Variants in DSCAM observed in about 807,000 individuals in gnomAD.
The protein encoded by DSCAM is DS cell adhesion molecule.
In DSCAM, 47 loss-of-function variants were observed where a neutral mutation model predicts 217.7. The observed-to-expected ratio is 0.22, with a 90% CI of 0.17 to 0.28. The LOEUF (loss-of-function observed/expected upper bound fraction) is 0.28, where lower values mean the gene tolerates loss of function less well. DSCAM is among the 10% of genes least tolerant of loss of function. The pLI is 1.00. For synonymous variants in DSCAM, 1,056 were observed against 1,015.3 expected, an observed-to-expected ratio of 1.04 and a Z score of -0.76; for missense variants, 2,080 against 2,618.3, an observed-to-expected ratio of 0.79 and a Z score of 4.49.
intron 11 of DSCAM, among the ~76,000 whole-genome samples, chr21:40,226,523 TAG>T (rs958835705): frequency 3.9e-4 from 59 of 152,260 alleles, no homozygotes; most frequent in African/African-American, 1.4e-3. Flanking sequence ...GAAAGAAATA[TAG>T]ATACGGACAA....
At chr21:40,583,492 G>A (rs1045731211) in intron 3 of DSCAM, among the ~76,000 whole-genome samples, 1 of 152,086 alleles carries the variant, frequency 6.6e-6, no homozygotes. Flanking sequence ...ACCTGACTCT[G>A]CTGTCCCCAC....
rs931484155 is a variant in DSCAM at position 40,744,967 on chromosome 21, A to C, written c.44-36196T>G. 2.0e-5 allele frequency among the ~76,000 whole-genome samples: 3 copies of C among 152,330 alleles called. No individual in the cohort carries two copies. In the East Asian group the frequency reaches 5.8e-4, roughly 29 times the overall value. On this transcript the variant is annotated intron_variant, in intron 1 of 32. Transcript: ENST00000400454. Reference sequence around the variant, plus strand: ...TAGCAAGTAAATAGAAACACTTTTTAAAAATCCAAATAGAAATCCTAAGAA... The same window carrying C: ...TAGCAAGTAAATAGAAACACTTTTTCAAAATCCAAATAGAAATCCTAAGAA...
At position 40,692,938 on chromosome 21, in the gene DSCAM, G is replaced by C; in HGVS notation, c.380C>G (p.Thr127Arg). 6.2e-7 allele frequency: 1 copy of C among 1,608,434 alleles called. No individual in the cohort carries two copies. ...HIKAVLREPY[T>R]VRVEDQKTMR... ...GGTTTTCTGGTCCTCCACACGGACTGTATAGGGCTCCCGTAAAACTGGAAG... is the reference window on the plus strand; with the variant it reads ...GGTTTTCTGGTCCTCCACACGGACTCTATAGGGCTCCCGTAAAACTGGAAG... Residue 127 changes from threonine (T) to arginine (R), a missense_variant, in exon 3 of 33, where the codon ACA becomes AGA. Thr to Arg is a moderately conservative substitution (Grantham distance 71). Around this residue, in one of 5 missense-constraint regions of DSCAM, gnomAD observed 568 missense variants for 678.1 expected, o/e 0.84. Transcript: ENST00000400454.
At chr21:40,032,605 T>TACCA (rs1601248098) in intron 32 of DSCAM, among the ~76,000 whole-genome samples, 2 of 152,314 alleles carry the variant, frequency 1.3e-5, no homozygotes, top group East Asian at 3.9e-4. Context: ...TAGTTTTCAT[T>TACCA]ACCATGCTGC....
intron 3 of DSCAM, among the ~76,000 whole-genome samples, chr21:40,603,611 C>A (rs2077078801): frequency 6.6e-6 from 1 of 152,126 alleles, no homozygotes; most frequent in African/African-American, 2.4e-5. Context: ...TTACTGGTAA[C>A]AAATTCCCTC....
chr21:40,257,890 G>C (rs915268607), intron 11 of DSCAM, among the ~76,000 whole-genome samples: 15 of 152,136 alleles, frequency 9.9e-5, no homozygotes, highest in Non-Finnish European at 1.9e-4. Flanking sequence ...TATGGCTACA[G>C]AAAGCCCCTT....
At chr21:40,441,796 C>A (rs1383078550) in intron 3 of DSCAM, among the ~76,000 whole-genome samples, 2 of 152,190 alleles carry the variant, frequency 1.3e-5, no homozygotes, top group Non-Finnish European at 2.9e-5. Context: ...CATCTACTCG[C>A]TGACCAATGC....
intron 3 of DSCAM, among the ~76,000 whole-genome samples, chr21:40,415,075 A>T (rs11088515): frequency 0.054 from 8,241 of 152,302 alleles, 460 homozygotes; most frequent in Admixed American, 0.17. Flanking sequence ...GCCTGAGAAA[A>T]AAAGACCTGG....
At chr21:40,577,981 T>A (rs1459290160) in intron 3 of DSCAM, among the ~76,000 whole-genome samples, 1 of 152,144 alleles carries the variant, frequency 6.6e-6, no homozygotes, top group East Asian at 1.9e-4. Context: ...AGAGCCAAGA[T>A]GGAGTCTATC....
At chr21:40,063,000 T>G in intron 27 of DSCAM, 101 bp from the exon 28 acceptor site, 2 of 1,066,862 alleles carry the variant, frequency 1.9e-6, no homozygotes, top group East Asian at 2.9e-5. Context: ...AACAGTCATT[T>G]TGAAACACAA....
At position 40,575,006 on chromosome 21, in the gene DSCAM, G is replaced by T. The variant is rs368743447; in HGVS notation, c.508+117804C>A. ...CAAGCTAAGCCATCGCATCCCCTGT[G>T]ACCTTCACATACACACTCAGATGTC... On this transcript the variant is annotated intron_variant, in intron 3 of 32. Coordinates refer to ENST00000400454, the MANE Select transcript of DSCAM (RefSeq NM_001389.5). 4.1e-5 allele frequency among the ~76,000 whole-genome samples: 6 copies of T among 144,990 alleles called. No individual in the cohort carries two copies. The East Asian group carries it at 1.3e-3, about 31-fold the overall frequency.
intron 32 of DSCAM, among the ~76,000 whole-genome samples, chr21:40,033,311 G>A (rs1161078628): frequency 6.6e-6 from 1 of 152,138 alleles, no homozygotes; most frequent in Non-Finnish European, 1.5e-5. Context: ...CAGGTCAGTG[G>A]GTGTGCACAC....
intron 32 of DSCAM, among the ~76,000 whole-genome samples, chr21:40,014,686 T>C (rs1429101942): frequency 1.3e-5 from 2 of 152,150 alleles, no homozygotes; most frequent in African/African-American, 4.8e-5. Flanking sequence ...GGACCTCTGT[T>C]ATGGTCTCCA....
chr21:40,169,454 C>A (rs1026358389), intron 15 of DSCAM, among the ~76,000 whole-genome samples: 4 of 152,082 alleles, frequency 2.6e-5, no homozygotes, highest in Non-Finnish European at 4.4e-5. Flanking sequence ...TGCCCCTCCC[C>A]AGGAGTCAGT....
chr21:40,578,856 A>G (rs756876640), intron 3 of DSCAM, among the ~76,000 whole-genome samples: 2 of 152,230 alleles, frequency 1.3e-5, no homozygotes, highest in African/African-American at 2.4e-5. Flanking sequence ...TGCAGTATAG[A>G]GACCATAGAG....
chr21:40,101,373 T>C (rs1018534720), intron 20 of DSCAM, among the ~76,000 whole-genome samples: 1 of 152,168 alleles, frequency 6.6e-6, no homozygotes, highest in South Asian at 2.1e-4. Flanking sequence ...CCAGATAACA[T>C]GGTGGCATGA....
chr21:40,263,546 G>A (rs2073482211), intron 11 of DSCAM, among the ~76,000 whole-genome samples: 1 of 152,050 alleles, frequency 6.6e-6, no homozygotes, highest in African/African-American at 2.4e-5. Context: ...CAAAATCTCT[G>A]GGATACAGCA....
intron 11 of DSCAM, among the ~76,000 whole-genome samples, chr21:40,231,265 T>C (rs1056326752): frequency 6.6e-6 from 1 of 151,818 alleles, no homozygotes; most frequent in Non-Finnish European, 1.5e-5. Context: ...ACGGTGGCCT[T>C]TAGGAGCTCC....
At chr21:40,627,587 C>G (rs1027661044) in intron 3 of DSCAM, among the ~76,000 whole-genome samples, 6 of 152,194 alleles carry the variant, frequency 3.9e-5, no homozygotes, top group Non-Finnish European at 7.3e-5. Flanking sequence ...TGAAATACAA[C>G]AAAAGCAAAA....
Sources: allele counts gnomAD v4.1 joint callset (sites outside exome capture counted in the v4.1 genomes callset), GRCh38; gene constraint gnomAD v4.1.1; regional missense constraint gnomAD v4.1.1; transcripts MANE v1.5; gene names NCBI Gene and HGNC (gene_info 2026-07-23, HGNC 2026-07-21).